IDNK: variants seen among roughly 807,000 people sequenced by gnomAD.
The protein encoded by IDNK is IDNK gluconokinase.
A neutral mutation model predicts 13.0 loss-of-function variants in IDNK; 9 were observed. The observed-to-expected ratio is 0.69, with a 90% CI of 0.42 to 1.21. IDNK has a LOEUF of 1.21. Among genes scored for constraint, IDNK ranks in the 50% most tolerant of loss-of-function variants. The pLI, the probability that IDNK is intolerant of heterozygous loss-of-function variation, is 0.00. For synonymous variants in IDNK, 92 were observed against 94.9 expected (o/e 0.97, Z 0.18); for missense variants, 210 against 237.8 (o/e 0.88, Z 0.77).
At chr9:83,642,819 T>A (rs1182089574) in intron 4 of IDNK, among the ~76,000 whole-genome samples, 1 of 151,766 alleles carries the variant, frequency 6.6e-6, no homozygotes, top group East Asian at 1.9e-4. Context: ...CTGGCTGGAG[T>A]TTTTTCCTTA....
At chr9:83,634,738 T>C (rs140444290) in intron 3 of IDNK, among the ~76,000 whole-genome samples, 23 of 152,292 alleles carry the variant, frequency 1.5e-4, no homozygotes, top group African/African-American at 5.1e-4. Flanking sequence ...CTGAGCAAAA[T>C]AGCAAAATGC....
chr9:83,623,142 A>G, upstream of IDNK: 1 of 1,405,136 alleles, frequency 7.1e-7, no homozygotes, highest in South Asian at 1.6e-5. Flanking sequence ...CGGGGCCCGG[A>G]AGGCGACGGG....
At position 83,635,505 on chromosome 9, in the gene IDNK, T is replaced by C. The variant is rs371900516; in HGVS notation, c.169-6043T>C. Among the ~76,000 whole-genome samples, 6 of 152,340 alleles carry C rather than the reference T, an allele frequency of 3.9e-5. No homozygotes were observed. In the East Asian group the frequency reaches 1.2e-3, roughly 29 times the overall value. ...CAGTGCTTCACATTTCAATCTACAGTGCCCTGCTCTGGCCTTCTTGCCTAC... is the reference window on the plus strand; with the variant it reads ...CAGTGCTTCACATTTCAATCTACAGCGCCCTGCTCTGGCCTTCTTGCCTAC... On this transcript the variant is annotated intron_variant, in intron 3 of 4. Coordinates refer to ENST00000376419, the MANE Select transcript of IDNK (RefSeq NM_001001551.4).
chr9:83,633,866 A>C (rs1459476346), intron 3 of IDNK, among the ~76,000 whole-genome samples: 1 of 152,202 alleles, frequency 6.6e-6, no homozygotes, highest in Admixed American at 6.5e-5. Flanking sequence ...GATTCACAAG[A>C]AGTGAATCAA....
chr9:83,641,820 TACTA>T (rs1831318022), intron 4 of IDNK, among the ~76,000 whole-genome samples: 1 of 152,220 alleles, frequency 6.6e-6, no homozygotes, highest in African/African-American at 2.4e-5. Flanking sequence ...TCCACACAGT[TACTA>T]GCTAGCAGTC....
chr9:83,625,714 C>T (rs1198739293), intron 1 of IDNK, among the ~76,000 whole-genome samples: 2 of 152,170 alleles, frequency 1.3e-5, no homozygotes, highest in African/African-American at 2.4e-5. Context: ...TTTATCACAG[C>T]CTAATGGCTG....
chr9:83,640,404 T>G (rs554596900), intron 3 of IDNK, among the ~76,000 whole-genome samples: 117 of 152,250 alleles, frequency 7.7e-4, no homozygotes, highest in African/African-American at 2.7e-3. Flanking sequence ...AATAAAACGG[T>G]AGTAATCAAA....
chr9:83,642,699 G>A (rs1295162812), intron 4 of IDNK, among the ~76,000 whole-genome samples: 3 of 152,128 alleles, frequency 2.0e-5, no homozygotes, highest in Non-Finnish European at 2.9e-5. Context: ...CCTGACCCCA[G>A]GATGACTGCC....
intron 3 of IDNK, 121 bp downstream of exon 3, chr9:83,629,080 A>G: frequency 1.3e-6 from 1 of 767,802 alleles, no homozygotes; most frequent in Non-Finnish European, 2.3e-6. Context: ...GGCTACAAAG[A>G]GCCAGGTGCC....
intron 3 of IDNK, among the ~76,000 whole-genome samples, chr9:83,630,352 TAA>T (rs1317359118): frequency 1.3e-5 from 2 of 152,066 alleles, no homozygotes; most frequent in Non-Finnish European, 2.9e-5. Flanking sequence ...AGAGTAGTAA[TAA>T]AAAAGAGTAG....
chr9:83,634,205 T>C (rs1831104026), intron 3 of IDNK, among the ~76,000 whole-genome samples: 1 of 152,240 alleles, frequency 6.6e-6, no homozygotes, highest in East Asian at 1.9e-4. Flanking sequence ...GTGCTGCTCT[T>C]TTATTTCCAA....
At chr9:83,633,262 C>T (rs1323415113) in intron 3 of IDNK, among the ~76,000 whole-genome samples, 2 of 152,136 alleles carry the variant, frequency 1.3e-5, no homozygotes, top group African/African-American at 4.8e-5. Flanking sequence ...TGGCGTGAAC[C>T]CAGGAGGTGG....
rs769387768 is a variant in IDNK at position 83,628,974 on chromosome 9, C to G, written c.168+15C>G. ...TCAATGACCAGGTAACAATTGCTGT[C>G]TGTGTCCATCACACATATTCCACCT... On this transcript the variant is annotated intron_variant, in intron 3 of 4. Coordinates refer to ENST00000376419, the MANE Select transcript of IDNK (RefSeq NM_001001551.4). The G allele has an allele frequency of 1.9e-6, 3 of 1,599,560 alleles. No individual in the cohort carries two copies. Among genetic ancestry groups the G allele is most frequent in the African/African-American group, 1.3e-5 (1 of 74,774 alleles).
At chr9:83,637,420 A>G (rs1445190973) in intron 3 of IDNK, among the ~76,000 whole-genome samples, 1 of 152,374 alleles carries the variant, frequency 6.6e-6, no homozygotes, top group East Asian at 1.9e-4. Flanking sequence ...TGCTGAGCAC[A>G]AAGTGATAGC....
At chr9:83,624,806 C>T (rs1210985863) in intron 1 of IDNK, among the ~76,000 whole-genome samples, 2 of 152,182 alleles carry the variant, frequency 1.3e-5, no homozygotes, top group East Asian at 1.9e-4. Context: ...CTCCTCCTCC[C>T]GGGTTCAAGC....
chr9:83,637,750 T>TACA (rs1831202755), intron 3 of IDNK, among the ~76,000 whole-genome samples: 1 of 152,210 alleles, frequency 6.6e-6, no homozygotes, highest in East Asian at 1.9e-4. Flanking sequence ...GAGATAAGAT[T>TACA]GTAAGCCTGT....
chr9:83,639,422 T>C (rs1831243858), intron 3 of IDNK, among the ~76,000 whole-genome samples: 1 of 152,112 alleles, frequency 6.6e-6, no homozygotes, highest in African/African-American at 2.4e-5. Flanking sequence ...ATAACAGAAA[T>C]GAATGCTAGT....
intron 3 of IDNK, among the ~76,000 whole-genome samples, chr9:83,634,133 AGAAAAT>A (rs1831101857): frequency 6.6e-6 from 1 of 152,248 alleles, no homozygotes; most frequent in East Asian, 1.9e-4. Context: ...GAATCTCCAA[AGAAAAT>A]TCATAATCAT....
chr9:83,642,260 G>A (rs1187129212), intron 4 of IDNK, among the ~76,000 whole-genome samples: 1 of 152,156 alleles, frequency 6.6e-6, no homozygotes, highest in African/African-American at 2.4e-5. Flanking sequence ...TTTCTAAGAT[G>A]AAGTCATATT....
Sources: gnomAD v4.1 joint callset for allele counts (sites outside exome capture counted in the v4.1 genomes callset) on GRCh38, gnomAD v4.1.1 for gene constraint, MANE v1.5 for transcripts, NCBI Gene and HGNC (gene_info 2026-07-23, HGNC 2026-07-21) for gene names.